Variants in ADGRL3 observed in about 807,000 individuals in gnomAD.
ADGRL3 encodes the protein calcium-independent alpha-latrotoxin receptor 3.
A neutral mutation model predicts 153.5 loss-of-function variants in ADGRL3; 62 were observed. The observed-to-expected ratio is 0.40, with a 90% CI of 0.33 to 0.50. The LOEUF is 0.50. ADGRL3 is among the 20% of genes least tolerant of loss of function. The pLI is 0.47. For synonymous variants in ADGRL3, 710 were observed against 672.5 expected (o/e 1.06, Z -0.86); for missense variants, 1,641 against 1,859.4 (o/e 0.88, Z 2.16).
At chr4:61,843,547 AG>A (rs2098066428) in intron 9 of ADGRL3, among the ~76,000 whole-genome samples, 1 of 152,208 alleles carries the variant, frequency 6.6e-6, no homozygotes, top group Non-Finnish European at 1.5e-5. Flanking sequence ...GACTCTATGA[AG>A]GCAAAACTAA....
chr4:61,239,806 A>C (rs140435380), intron 1 of ADGRL3, among the ~76,000 whole-genome samples: 23 of 152,254 alleles, frequency 1.5e-4, no homozygotes, highest in African/African-American at 5.5e-4. Flanking sequence ...GTAAAACAAA[A>C]TATGGCATTG....
intron 2 of ADGRL3, among the ~76,000 whole-genome samples, chr4:61,394,224 G>A (rs1448322135): frequency 1.3e-5 from 2 of 151,926 alleles, no homozygotes; most frequent in African/African-American, 2.4e-5. Context: ...GGAAATTTAA[G>A]GACATATTAG....
intron 5 of ADGRL3, among the ~76,000 whole-genome samples, chr4:61,647,122 G>A (rs1358338284): frequency 7.2e-5 from 11 of 152,142 alleles, no homozygotes; most frequent in East Asian, 3.9e-4. Flanking sequence ...GCAATGCCTC[G>A]CCCTGCTTCA....
At chr4:61,875,294 C>T (rs937317534) in intron 9 of ADGRL3, among the ~76,000 whole-genome samples, 50 of 151,984 alleles carry the variant, frequency 3.3e-4, no homozygotes, top group Non-Finnish European at 5.9e-4. Context: ...TCTTCATTGC[C>T]AGTGGTAGAT....
intron 2 of ADGRL3, among the ~76,000 whole-genome samples, chr4:61,471,289 T>A: frequency 6.6e-6 from 1 of 151,822 alleles, no homozygotes; most frequent in East Asian, 1.9e-4. Context: ...TATTGACTTA[T>A]CTTTACATGT....
chr4:61,934,958 G>T lies in ADGRL3; in HGVS notation c.2231G>T (p.Ser744Ile), dbSNP rs2098832023. The change falls in exon 14 of 27, where the codon AGT becomes ATT. Residue 744 changes from serine (S) to isoleucine (I), a missense_variant. Physicochemically the swap from Ser to Ile is moderately radical, Grantham distance 142. Transcript: ENST00000683033. Reference sequence around the variant, plus strand: ...ATGTTGCTTCATACTGTGGAGGAAAGTGCTTTTGTGCTGGCTGATAACCTT... The same window carrying T: ...ATGTTGCTTCATACTGTGGAGGAAATTGCTTTTGTGCTGGCTGATAACCTT... ...ATMLLHTVEE[S>I]AFVLADNLLK... 6.2e-7 allele frequency: 1 copy of T among 1,613,770 alleles called. No homozygotes were observed. Among genetic ancestry groups the T allele is most frequent in the Non-Finnish European group, 8.5e-7 (1 of 1,179,832 alleles).
At chr4:61,316,824 G>C (rs1407409710) in intron 1 of ADGRL3, among the ~76,000 whole-genome samples, 1 of 152,102 alleles carries the variant, frequency 6.6e-6, no homozygotes, top group African/African-American at 2.4e-5. Flanking sequence ...TACATATTTT[G>C]CTAACAACAT....
At chr4:61,604,029 T>C (rs1325276828) in intron 5 of ADGRL3, among the ~76,000 whole-genome samples, 1 of 152,188 alleles carries the variant, frequency 6.6e-6, no homozygotes, top group Non-Finnish European at 1.5e-5. Flanking sequence ...CTAATTAAAT[T>C]TGAATTCTAA....
At chr4:61,339,000 T>C (rs1041598774) in intron 1 of ADGRL3, among the ~76,000 whole-genome samples, 11 of 152,146 alleles carry the variant, frequency 7.2e-5, no homozygotes, top group African/African-American at 2.4e-4. Context: ...ACAGCCCTTA[T>C]TAATGAGTAC....
At chr4:61,643,188 G>A (rs905709657) in intron 5 of ADGRL3, among the ~76,000 whole-genome samples, 2 of 152,000 alleles carry the variant, frequency 1.3e-5, no homozygotes, top group African/African-American at 4.8e-5. Flanking sequence ...GAGATTTTGG[G>A]CTGAGACAAT....
chr4:61,784,729 A>C (rs1044320313), intron 8 of ADGRL3, among the ~76,000 whole-genome samples: 3 of 152,106 alleles, frequency 2.0e-5, no homozygotes, highest in Non-Finnish European at 2.9e-5. Flanking sequence ...GAATGTCAAA[A>C]TGTGAGAGTT....
chr4:61,856,507 T>C (rs2098266471), intron 9 of ADGRL3, among the ~76,000 whole-genome samples: 1 of 145,884 alleles, frequency 6.9e-6, no homozygotes, highest in Non-Finnish European at 1.5e-5. Context: ...CCCCTCCTTC[T>C]TTCCTCCCCT....
chr4:61,794,170 A>AAACACGTG (rs1394431774), intron 8 of ADGRL3, among the ~76,000 whole-genome samples: 2 of 152,212 alleles, frequency 1.3e-5, no homozygotes, highest in African/African-American at 4.8e-5. Flanking sequence ...AAAGAGTTTT[A>AAACACGTG]AACACGTGAA....
intron 2 of ADGRL3, among the ~76,000 whole-genome samples, chr4:61,392,031 T>G (rs1157018341): frequency 6.6e-6 from 1 of 150,598 alleles, no homozygotes; most frequent in Non-Finnish European, 1.5e-5. Context: ...GGCTAATTTT[T>G]TTTTTTTTTT....
At chr4:61,728,468 C>A (rs1180159294) in intron 6 of ADGRL3, among the ~76,000 whole-genome samples, 1 of 151,952 alleles carries the variant, frequency 6.6e-6, no homozygotes, top group African/African-American at 2.4e-5. Flanking sequence ...TAACAGATAC[C>A]TTTGCCAATA....
intron 9 of ADGRL3, among the ~76,000 whole-genome samples, chr4:61,816,832 T>G (rs1284321470): frequency 6.6e-6 from 1 of 152,242 alleles, no homozygotes; most frequent in Non-Finnish European, 1.5e-5. Flanking sequence ...GACAGCTTCC[T>G]AGTAGCAGCT....
intron 21 of ADGRL3, among the ~76,000 whole-genome samples, chr4:62,011,946 C>T (rs1294108618): frequency 1.3e-5 from 2 of 151,230 alleles, no homozygotes; most frequent in Non-Finnish European, 2.9e-5. Context: ...TTTTTTTTTC[C>T]TAACATAGCT....
At chr4:61,425,602 C>T (rs191902209) in intron 2 of ADGRL3, among the ~76,000 whole-genome samples, 213 of 152,358 alleles carry the variant, frequency 1.4e-3, no homozygotes, top group African/African-American at 4.6e-3. Flanking sequence ...TTTCTGGTAG[C>T]TGCCAGTGGC....
chr4:62,037,711 G>A lies in ADGRL3; in HGVS notation c.3592-20G>A, dbSNP rs1725872196. ...TGCAATGAATTACTTGCTAACAGAA[G>A]TTAATATTTAATTGGCTAGGTACGA... is the stretch of plus-strand genomic sequence containing the variant. On this transcript the variant is annotated intron_variant, in intron 23 of 26. Transcript: ENST00000683033. The A allele has an allele frequency of 2.5e-6, 4 of 1,613,504 alleles. No homozygotes were observed. Among genetic ancestry groups the A allele is most frequent in the Non-Finnish European group, 3.4e-6 (4 of 1,179,560 alleles).
Sources: allele counts gnomAD v4.1 joint callset (sites outside exome capture counted in the v4.1 genomes callset), GRCh38; gene constraint gnomAD v4.1.1; transcripts MANE v1.5; gene names NCBI Gene and HGNC (gene_info 2026-07-23, HGNC 2026-07-21).